PTPN5: variants seen among roughly 807,000 people sequenced by gnomAD.
PTPN5 encodes the protein protein tyrosine phosphatase non-receptor type 5.
Under a neutral mutation model 73.9 loss-of-function variants are expected in PTPN5, and 29 were observed. That is an observed-to-expected ratio of 0.39 (90% CI 0.29 to 0.54). The LOEUF (loss-of-function observed/expected upper bound fraction) is 0.54, where lower values mean the gene tolerates loss of function less well. PTPN5 is among the 20% of genes least tolerant of loss of function. PTPN5 has a pLI of 0.65. For synonymous variants in PTPN5, 267 were observed against 304.7 expected (o/e 0.88, Z 1.29); for missense variants, 652 against 751.4 (o/e 0.87, Z 1.55).
chr11:18,781,300 A>T (rs1590619650), intron 1 of PTPN5, among the ~76,000 whole-genome samples: 1 of 133,554 alleles, frequency 7.5e-6, no homozygotes, highest in East Asian at 2.2e-4. Flanking sequence ...GTAGCCAGAG[A>T]TCAGACTGTC....
At chr11:18,744,281 G>A (rs996121159) in intron 3 of PTPN5, 82 bp from the exon 4 acceptor site, 3 of 1,264,826 alleles carry the variant, frequency 2.4e-6, no homozygotes, top group Non-Finnish European at 3.1e-6. Context: ...GGGTGGCTGT[G>A]GCTGCCTCTC....
chr11:18,771,131 C>G lies in PTPN5; in HGVS notation c.20+808G>C, dbSNP rs148213444. ...GAAGCCAGGATTCCTGGGTGTGAGG[C>G]TGAGCCAAGCCCAGGCAGACATGCC... On this transcript the variant is annotated intron_variant, in intron 2 of 14. Coordinates refer to ENST00000358540, the MANE Select transcript of PTPN5 (RefSeq NM_006906.2). Among the ~76,000 whole-genome samples the G allele has an allele frequency of 3.6e-3, 551 of 152,222 alleles. 5 individuals are homozygous for G. The highest frequency in any genetic ancestry group is 0.013 in the African/African-American group (522 of 41,528).
At chr11:18,784,485 C>T (rs1851580618) in intron 1 of PTPN5, among the ~76,000 whole-genome samples, 1 of 152,004 alleles carries the variant, frequency 6.6e-6, no homozygotes. Flanking sequence ...TCACCAGAGG[C>T]TGGGGGAGAT....
intron 2 of PTPN5, 63 bp from the exon 3 acceptor site, chr11:18,765,946 G>T: frequency 8.2e-7 from 1 of 1,226,120 alleles, no homozygotes; most frequent in Non-Finnish European, 1.2e-6. Context: ...AAAACCCTGA[G>T]CAAAGATAAG....
At chr11:18,752,047 A>G (rs1483713588) in intron 3 of PTPN5, among the ~76,000 whole-genome samples, 1 of 152,148 alleles carries the variant, frequency 6.6e-6, no homozygotes, top group Non-Finnish European at 1.5e-5. Context: ...CCTGGCCAAT[A>G]TGGTAAAACC....
chr11:18,742,307 G>T lies in PTPN5; in HGVS notation c.680C>A (p.Ala227Asp), dbSNP rs1849399934. ...CTTGACGGTGAGTGAGGTGGGGTCA[G>T]CCTCAGGCTTGATGTCCATCACACA... ...FDCVMDIKPE[A>D]DPTSLTVKSM... The change falls in exon 7 of 15, where the codon GCT (alanine) becomes GAT (aspartate). Residue 227 changes from alanine to aspartate, a missense_variant. By Grantham distance (126) the Ala-to-Asp change is moderately radical (BLOSUM62 -2). Around this residue, in one of 3 missense-constraint regions of PTPN5, gnomAD observed 529 missense variants for 573.9 expected, o/e 0.92. Coordinates refer to ENST00000358540, the MANE Select transcript of PTPN5 (RefSeq NM_006906.2). This position sits in a 1 kb window ranked among gnomAD's most constrained non-coding sequence, Gnocchi z 4.1. The T allele has an allele frequency of 6.2e-7, 1 of 1,614,022 alleles. No individual in the cohort carries two copies. The highest frequency in any genetic ancestry group is 1.7e-5 in the Admixed American group (1 of 60,006).
rs115944473 is a variant in PTPN5, at chr11:18,733,722, C to T, written c.1001-87G>A. On this transcript the variant is annotated intron_variant, in intron 9 of 14. Transcript: ENST00000358540. The surrounding 1 kb of genome is among the most constrained non-coding windows in gnomAD (Gnocchi z 4.3). ...TCTGGCCTATTCCAGCATACCCACA[C>T]TTCTTCTGCGACATTAGCAGTTCTT... 5,337 of 1,130,202 alleles carry T rather than the reference C, an allele frequency of 4.7e-3. 168 individuals are homozygous for T. The African/African-American group carries it at 0.072, about 15-fold the overall frequency. 70.0% of individuals were successfully genotyped at this position (1,130,202 alleles called of 1,614,324 possible).
chr11:18,752,352 G>C (rs1246410015), intron 3 of PTPN5, among the ~76,000 whole-genome samples: 2 of 152,204 alleles, frequency 1.3e-5, no homozygotes, highest in African/African-American at 4.8e-5. Context: ...CCAGAATCTA[G>C]AGATGATGGG....
chr11:18,754,039 G>T (rs1162061853), intron 3 of PTPN5, among the ~76,000 whole-genome samples: 1 of 152,116 alleles, frequency 6.6e-6, no homozygotes, highest in Non-Finnish European at 1.5e-5. Context: ...CACAGCAGTG[G>T]GACATAAAAG....
chr11:18,790,591 C>T (rs988899481), intron 1 of PTPN5, among the ~76,000 whole-genome samples: 7 of 152,154 alleles, frequency 4.6e-5, no homozygotes, highest in African/African-American at 1.7e-4. Flanking sequence ...TTAAAGCCCC[C>T]TCTCCCCTTT....
chr11:18,738,389 T>C (rs955774435), intron 8 of PTPN5, among the ~76,000 whole-genome samples: 3 of 152,210 alleles, frequency 2.0e-5, no homozygotes, highest in African/African-American at 7.2e-5. Flanking sequence ...CCGCCTCCTC[T>C]GAGAAGCCTT....
chr11:18,763,237 A>C (rs1455146691), intron 3 of PTPN5, among the ~76,000 whole-genome samples: 1 of 152,226 alleles, frequency 6.6e-6, no homozygotes, highest in Non-Finnish European at 1.5e-5. Context: ...TACCTCCTCC[A>C]AACTCCTGTC....
chr11:18,775,949 A>G (rs1851130766), intron 1 of PTPN5, among the ~76,000 whole-genome samples: 1 of 152,164 alleles, frequency 6.6e-6, no homozygotes, highest in Admixed American at 6.5e-5. Context: ...CCAATTATTA[A>G]GAGAGTCCAG....
At chr11:18,775,894 G>T (rs978577433) in intron 1 of PTPN5, among the ~76,000 whole-genome samples, 11 of 152,218 alleles carry the variant, frequency 7.2e-5, no homozygotes, top group African/African-American at 2.2e-4. Context: ...CAGGGAAACA[G>T]GCCTTGGTCC....
At chr11:18,773,447 G>T (rs1246497647) in intron 1 of PTPN5, among the ~76,000 whole-genome samples, 1 of 152,136 alleles carries the variant, frequency 6.6e-6, no homozygotes, top group Non-Finnish European at 1.5e-5. Flanking sequence ...ATCTCAGCCT[G>T]CAGGGCTTCC....
At chr11:18,731,070 A>T (rs1848849519) in intron 12 of PTPN5, among the ~76,000 whole-genome samples, 1 of 151,654 alleles carries the variant, frequency 6.6e-6, no homozygotes, top group Non-Finnish European at 1.5e-5. Flanking sequence ...CAGCACCACC[A>T]TGTACAGGAA....
chr11:18,758,677 T>G (rs1398586656), intron 3 of PTPN5, among the ~76,000 whole-genome samples: 3 of 7,224 alleles, frequency 4.2e-4, no homozygotes, highest in African/African-American at 1.0e-3. Context: ...AAGGATGAGT[T>G]TTTTTTTTTT....
intron 3 of PTPN5, among the ~76,000 whole-genome samples, chr11:18,761,817 C>T (rs1398215419): frequency 6.6e-6 from 1 of 152,122 alleles, no homozygotes; most frequent in Admixed American, 6.5e-5. Flanking sequence ...AGAGTGGAAG[C>T]CGCGGGATGG....
At chr11:18,787,230 C>G (rs1411127082) in intron 1 of PTPN5, among the ~76,000 whole-genome samples, 2 of 152,170 alleles carry the variant, frequency 1.3e-5, no homozygotes, top group Non-Finnish European at 2.9e-5. Flanking sequence ...GTACAGATTA[C>G]TATACCCTTA....
Sources: gnomAD v4.1 joint callset for allele counts (sites outside exome capture counted in the v4.1 genomes callset) on GRCh38, gnomAD v4.1.1 for gene constraint, gnomAD v4.1.1 regional missense constraint, Gnocchi (gnomAD v3.1) non-coding constraint, MANE v1.5 for transcripts, NCBI Gene and HGNC (gene_info 2026-07-23, HGNC 2026-07-21) for gene names.